The following PCDHA1 variants were observed in gnomAD, a reference collection of about 807,000 sequenced individuals.
The protein encoded by PCDHA1 is protocadherin alpha-1.
A neutral mutation model predicts 61.3 loss-of-function variants in PCDHA1; 42 were observed. The observed-to-expected ratio is 0.69, with a 90% CI of 0.54 to 0.89. PCDHA1 has a LOEUF of 0.89. Among genes scored for constraint, PCDHA1 ranks in the 40% least tolerant of loss-of-function variants. PCDHA1 has a pLI of 0.00. For synonymous variants in PCDHA1, 610 were observed against 553.8 expected, an observed-to-expected ratio of 1.10 and a Z score of -1.43; for missense variants, 1,256 against 1,235.3, an observed-to-expected ratio of 1.02 and a Z score of -0.25.
chr5:140,906,076 C>T (rs541119722), intron 1 of PCDHA1, among the ~76,000 whole-genome samples: 2 of 152,326 alleles, frequency 1.3e-5, no homozygotes, highest in African/African-American at 4.8e-5. Context: ...AGATCGCACC[C>T]ACCCAGACTG....
chr5:140,979,355 T>C (rs1437499560), intron 2 of PCDHA1, among the ~76,000 whole-genome samples: 6 of 152,206 alleles, frequency 3.9e-5, no homozygotes, highest in African/African-American at 1.4e-4. Flanking sequence ...TTAATACTCA[T>C]GCTTTGAGAC....
chr5:140,838,447 G>A (rs2150289486), intron 1 of PCDHA1, among the ~76,000 whole-genome samples: 2 of 151,510 alleles, frequency 1.3e-5, no homozygotes, highest in South Asian at 4.2e-4. Flanking sequence ...GGGTTTTGTG[G>A]CATATTATTT....
At chr5:140,987,643 A>G (rs1205279586) in intron 3 of PCDHA1, among the ~76,000 whole-genome samples, 1 of 152,232 alleles carries the variant, frequency 6.6e-6, no homozygotes, top group Non-Finnish European at 1.5e-5. Context: ...ATGCACACAT[A>G]TTGCAGAATC....
At chr5:140,873,693 C>T (rs1554166841) in intron 1 of PCDHA1, among the ~76,000 whole-genome samples, 1 of 152,156 alleles carries the variant, frequency 6.6e-6, no homozygotes, top group Non-Finnish European at 1.5e-5. Context: ...TAGAGTCTTG[C>T]TCTATCACCC....
At chr5:140,793,490 A>C (rs1342248521) in intron 1 of PCDHA1, among the ~76,000 whole-genome samples, 2 of 152,264 alleles carry the variant, frequency 1.3e-5, no homozygotes, top group East Asian at 3.8e-4. Flanking sequence ...TATTGGAAAA[A>C]AAGCTAGCTT....
At chr5:140,867,200 A>G (rs1239575601) in intron 1 of PCDHA1, 1 of 152,126 alleles carries the variant, frequency 6.6e-6, no homozygotes, top group African/African-American at 2.4e-5. Context: ...TCCACATTCC[A>G]TGTAACATCT....
At chr5:140,836,314 G>T (rs2150257460) in intron 1 of PCDHA1, 2 of 1,613,658 alleles carry the variant, frequency 1.2e-6, no homozygotes, top group South Asian at 1.1e-5. Flanking sequence ...GACGCACCGC[G>T]CCACCGCCTT....
intron 1 of PCDHA1, among the ~76,000 whole-genome samples, chr5:140,897,061 T>C (rs1554187169): frequency 6.6e-6 from 1 of 152,134 alleles, no homozygotes; most frequent in Admixed American, 6.6e-5. Context: ...TCAAATACTA[T>C]GTCTTATTCA....
chr5:140,942,924 T>A (rs2093394309), intron 1 of PCDHA1, among the ~76,000 whole-genome samples: 1 of 151,518 alleles, frequency 6.6e-6, no homozygotes, highest in African/African-American at 2.4e-5. Context: ...AAAAAAAAAA[T>A]TGAAAAAGAG....
chr5:141,007,694 C>T (rs1466885866), intron 3 of PCDHA1, among the ~76,000 whole-genome samples: 1 of 152,186 alleles, frequency 6.6e-6, no homozygotes, highest in Non-Finnish European at 1.5e-5. Context: ...CTTCCACCTC[C>T]CTCCTCTGCC....
At chr5:140,824,515 G>T in intron 1 of PCDHA1, 1 of 226,310 alleles carries the variant, frequency 4.4e-6, no homozygotes, top group Non-Finnish European at 8.5e-6. Context: ...GCAGTGATCT[G>T]ATCATAGCTC....
chr5:140,965,834 G>T (rs1018708290), intron 1 of PCDHA1, among the ~76,000 whole-genome samples: 1 of 152,128 alleles, frequency 6.6e-6, no homozygotes, highest in Admixed American at 6.5e-5. Context: ...TTAAATATTG[G>T]TTATTTGCCA....
intron 1 of PCDHA1, chr5:140,829,069 C>T: frequency 6.2e-7 from 1 of 1,612,166 alleles, no homozygotes; most frequent in Non-Finnish European, 8.5e-7. Context: ...CGGACAAAGG[C>T]CATCCTCCCA....
chr5:140,808,681 G>T (rs577718830), intron 1 of PCDHA1: 28 of 1,612,602 alleles, frequency 1.7e-5, no homozygotes, highest in Non-Finnish European at 2.4e-5. Flanking sequence ...TAGAGCGGCG[G>T]GTAGGGGAGC....
chr5:140,848,405 C>T, intron 1 of PCDHA1: 2 of 1,329,956 alleles, frequency 1.5e-6, no homozygotes, highest in Non-Finnish European at 2.1e-6. Flanking sequence ...TGAACGATGG[C>T]GAACACAGCA....
At chr5:140,927,015 G>C in intron 1 of PCDHA1, 1 of 1,612,466 alleles carries the variant, frequency 6.2e-7, no homozygotes, top group Non-Finnish European at 8.5e-7. Context: ...ATCTCTCCGC[G>C]GACTTGAGGC....
intron 1 of PCDHA1, among the ~76,000 whole-genome samples, chr5:140,872,278 AAAGTT>A (rs2053578296): frequency 6.6e-6 from 1 of 152,138 alleles, no homozygotes; most frequent in Non-Finnish European, 1.5e-5. Context: ...TTTGAAGAAA[AAAGTT>A]AAGCCTTGCA....
At chr5:140,877,500 A>G (rs781878840) in intron 1 of PCDHA1, 80 of 1,613,694 alleles carry the variant, frequency 5.0e-5, no homozygotes, top group Non-Finnish European at 6.6e-5. Flanking sequence ...GCCAGGCCCC[A>G]AAGACGTCGT....
intron 3 of PCDHA1, among the ~76,000 whole-genome samples, chr5:140,986,524 G>C (rs2097203903): frequency 6.6e-6 from 1 of 152,198 alleles, no homozygotes; most frequent in South Asian, 2.1e-4. Flanking sequence ...GCCTGTGAGG[G>C]AACTGGCCTG....
Sources: allele counts gnomAD v4.1 joint callset (sites outside exome capture counted in the v4.1 genomes callset), GRCh38; gene constraint gnomAD v4.1.1; transcripts MANE v1.5; gene names NCBI Gene and HGNC (gene_info 2026-07-23, HGNC 2026-07-21).